The following JMJD1C variants were observed in gnomAD, a reference collection of about 807,000 sequenced individuals.
JMJD1C encodes the protein jumonji domain-containing protein 1C.
A neutral mutation model predicts 245.3 loss-of-function variants in JMJD1C; 31 were observed. The ratio of observed to expected loss-of-function variants is 0.13; its 90% confidence interval spans 0.09 to 0.17. The LOEUF is 0.17. Among genes scored for constraint, JMJD1C ranks in the 10% least tolerant of loss-of-function variants. JMJD1C has a pLI of 1.00. For synonymous variants in JMJD1C, 1,057 were observed against 1,017.4 expected, an observed-to-expected ratio of 1.04 and a Z score of -0.74; for missense variants, 2,691 against 3,000.2, an observed-to-expected ratio of 0.90 and a Z score of 2.41.
At chr10:63,426,387 T>C (rs1318389646) in intron 1 of JMJD1C, among the ~76,000 whole-genome samples, 1 of 152,104 alleles carries the variant, frequency 6.6e-6, no homozygotes, top group Non-Finnish European at 1.5e-5. Flanking sequence ...CGTAAGAGAC[T>C]GTATTACTAC....
intron 2 of JMJD1C, among the ~76,000 whole-genome samples, chr10:63,339,517 T>C (rs901978490): frequency 6.6e-6 from 1 of 152,142 alleles, no homozygotes; most frequent in African/African-American, 2.4e-5. Context: ...GTGTGCTGGC[T>C]CACGCCTGTA....
At chr10:63,313,659 G>C (rs530773425) in intron 2 of JMJD1C, among the ~76,000 whole-genome samples, 1 of 152,158 alleles carries the variant, frequency 6.6e-6, no homozygotes, top group Non-Finnish European at 1.5e-5. Flanking sequence ...ATGATCTCAT[G>C]ATTTTGATTT....
intron 1 of JMJD1C, among the ~76,000 whole-genome samples, chr10:63,518,357 T>C (rs1352290716): frequency 6.6e-6 from 1 of 152,160 alleles, no homozygotes; most frequent in Non-Finnish European, 1.5e-5. Context: ...ACAATATTCC[T>C]ACAATTTCAA....
At chr10:63,297,233 C>T (rs981360293) in intron 2 of JMJD1C, among the ~76,000 whole-genome samples, 1 of 152,178 alleles carries the variant, frequency 6.6e-6, no homozygotes, top group Non-Finnish European at 1.5e-5. Flanking sequence ...GGTAGAGTCT[C>T]CAACCCAGAG....
intron 1 of JMJD1C, among the ~76,000 whole-genome samples, chr10:63,456,529 A>G (rs922633334): frequency 6.6e-6 from 1 of 152,172 alleles, no homozygotes; most frequent in East Asian, 1.9e-4. Context: ...CTCTGAGCCT[A>G]AAGATTTTTG....
At chr10:63,514,782 T>TA (rs1294411211) in intron 1 of JMJD1C, among the ~76,000 whole-genome samples, 8 of 150,776 alleles carry the variant, frequency 5.3e-5, no homozygotes, top group East Asian at 1.9e-4. Flanking sequence ...AATAAAAGCT[T>TA]AAAAAAAAAG....
chr10:63,443,083 C>T lies in JMJD1C; in HGVS notation c.168+22412G>A, dbSNP rs376656814. 2.0e-5 allele frequency among the ~76,000 whole-genome samples: 3 copies of T among 152,246 alleles called. No individual in the cohort carries two copies. The East Asian group carries it at 5.8e-4, about 29-fold the overall frequency. Reference sequence around the variant, plus strand: ...AGCAATAATTGGGGGCTCCCAGGCCCCCTCCTCCAGTTAGGTAATTTGGTG... The same window carrying T: ...AGCAATAATTGGGGGCTCCCAGGCCTCCTCCTCCAGTTAGGTAATTTGGTG... On this transcript the variant is annotated intron_variant, in intron 1 of 25. Transcript: ENST00000399262.
chr10:63,254,859 C>CT lies in JMJD1C; in HGVS notation c.447+9791dup, dbSNP rs141992090. Reference sequence around the variant, plus strand: ...GCCACTATGCAGCATAGCTCCCCCCCTTTTTTTTTTATGAGATAGGGTCTC... The same window carrying CT: ...GCCACTATGCAGCATAGCTCCCCCCCTTTTTTTTTTTATGAGATAGGGTCTC... On this transcript the variant is annotated intron_variant, in intron 3 of 25. Transcript: ENST00000399262. Among the ~76,000 whole-genome samples the CT allele has an allele frequency of 3.4e-3, 495 of 146,416 alleles. 1 individual carries two copies. The highest frequency in any genetic ancestry group is 0.014 in the East Asian group (71 of 5,034).
At chr10:63,181,583 A>C (rs1843486480) in intron 22 of JMJD1C, among the ~76,000 whole-genome samples, 1 of 152,166 alleles carries the variant, frequency 6.6e-6, no homozygotes. Flanking sequence ...CACCTATAAA[A>C]AGTGACAAAA....
intron 3 of JMJD1C, among the ~76,000 whole-genome samples, chr10:63,253,371 G>A (rs531639156): frequency 4.0e-5 from 6 of 151,802 alleles, no homozygotes; most frequent in African/African-American, 1.2e-4. Flanking sequence ...AATGAAACTG[G>A]ACCTTTATAT....
Position 63,278,355 on chromosome 10 carries a change from A to G in JMJD1C, c.334-13591T>C, listed in dbSNP as rs1031825994. Among the ~76,000 whole-genome samples, 3 of 147,226 alleles carry G rather than the reference A, an allele frequency of 2.0e-5. No individual in the cohort carries two copies. In the East Asian group the frequency reaches 5.9e-4, roughly 29 times the overall value. On this transcript the variant is annotated intron_variant, in intron 2 of 25. Coordinates refer to ENST00000399262, the MANE Select transcript of JMJD1C (RefSeq NM_032776.3). ...ACAACAATTAAAAGAGAATAATAAT[A>G]ATAATAATAATAATAATAAAATTAG...
intron 1 of JMJD1C, among the ~76,000 whole-genome samples, chr10:63,515,456 G>A (rs1374944214): frequency 2.0e-5 from 3 of 152,168 alleles, no homozygotes; most frequent in African/African-American, 7.2e-5. Flanking sequence ...GGCTTCCTTA[G>A]GACTGGCTCT....
At chr10:63,181,376 G>T (rs1362330605) in intron 22 of JMJD1C, among the ~76,000 whole-genome samples, 10 of 152,160 alleles carry the variant, frequency 6.6e-5, no homozygotes, top group African/African-American at 2.2e-4. Context: ...CTAGAGCATA[G>T]TAAGTTTACT....
intron 2 of JMJD1C, among the ~76,000 whole-genome samples, chr10:63,306,227 C>T (rs986929467): frequency 6.6e-6 from 1 of 152,096 alleles, no homozygotes; most frequent in South Asian, 2.1e-4. Flanking sequence ...GTAGCTGGGA[C>T]TACAGGCGCC....
intron 2 of JMJD1C, among the ~76,000 whole-genome samples, chr10:63,276,540 C>T (rs990418550): frequency 6.6e-6 from 1 of 151,830 alleles, no homozygotes; most frequent in African/African-American, 2.4e-5. Flanking sequence ...CAAAAATCAG[C>T]TGGACATGGT....
At chr10:63,168,414 C>G in intron 25 of JMJD1C, 21 bp downstream of exon 25, 1 of 1,592,814 alleles carries the variant, frequency 6.3e-7, no homozygotes, top group Non-Finnish European at 8.5e-7. Context: ...AAGAACAGGA[C>G]CTAGAACACC....
At chr10:63,257,253 A>C (rs559434078) in intron 3 of JMJD1C, among the ~76,000 whole-genome samples, 1 of 151,566 alleles carries the variant, frequency 6.6e-6, no homozygotes, top group Admixed American at 6.6e-5. Flanking sequence ...AAGAAAGAAA[A>C]GGAAAAAGAA....
intron 1 of JMJD1C, chr10:63,427,590 G>A: frequency 1.4e-6 from 2 of 1,407,198 alleles, no homozygotes; most frequent in East Asian, 2.3e-5. Context: ...CCTTCACCTG[G>A]AACATCAACC....
intron 1 of JMJD1C, among the ~76,000 whole-genome samples, chr10:63,502,684 TCTC>T (rs1335959623): frequency 2.7e-5 from 4 of 149,108 alleles, no homozygotes; most frequent in Non-Finnish European, 4.4e-5. Flanking sequence ...GCTCTTCAAC[TCTC>T]CTTCCACCCA....
Sources: gnomAD v4.1 joint callset for allele counts (sites outside exome capture counted in the v4.1 genomes callset) on GRCh38, gnomAD v4.1.1 for gene constraint, MANE v1.5 for transcripts, NCBI Gene and HGNC (gene_info 2026-07-23, HGNC 2026-07-21) for gene names.